MAP2K1: variants seen among roughly 807,000 people sequenced by gnomAD.
The protein encoded by MAP2K1 is dual specificity mitogen-activated protein kinase kinase 1.
MAP2K1 carries 16 observed loss-of-function variants against 46.3 expected under a neutral mutation model. The ratio of observed to expected loss-of-function variants is 0.35; its 90% CI spans 0.23 to 0.52. MAP2K1 has a LOEUF of 0.52. Ranked by LOEUF, MAP2K1 falls within the 20% of genes least tolerant of loss-of-function variation. The pLI, the probability that MAP2K1 is intolerant of heterozygous loss-of-function variation, is 0.94. For missense variants in MAP2K1, 263 were observed against 497.1 expected (o/e 0.53, Z 4.48); for synonymous variants, 183 against 185.6 (o/e 0.99, Z 0.11).
chr15:66,463,756 T>C (rs1892390422), intron 5 of MAP2K1, among the ~76,000 whole-genome samples: 1 of 152,240 alleles, frequency 6.6e-6, no homozygotes, highest in African/African-American at 2.4e-5. Context: ...AGTGCTGGGA[T>C]TACAGGCGTG....
Position 66,404,308 on chromosome 15 carries a change from CGCCACTGCACTCCA to C in MAP2K1, c.80+16885_80+16898del, listed in dbSNP as rs1277031702. Among the ~76,000 whole-genome samples the C allele has an allele frequency of 2.6e-5, 4 of 152,004 alleles. No homozygotes were observed. In the East Asian group the frequency reaches 7.7e-4, roughly 29 times the overall value. Reference sequence around the variant, plus strand: ...TGGTGGTTGCAGTGAGCGGAGATCGCGCCACTGCACTCCAGCCTGGGTAACAGAGTGAGTGAGAC... The same window carrying C: ...TGGTGGTTGCAGTGAGCGGAGATCGCGCCTGGGTAACAGAGTGAGTGAGAC... On this transcript the variant is annotated intron_variant, in intron 1 of 10. Transcript: ENST00000307102.
At chr15:66,462,905 AGG>A (rs1176276347) in intron 5 of MAP2K1, among the ~76,000 whole-genome samples, 2 of 152,234 alleles carry the variant, frequency 1.3e-5, no homozygotes, top group African/African-American at 4.8e-5. Context: ...GGGACAAGAC[AGG>A]GACCAGAAAG....
At chr15:66,448,417 C>A (rs958143896) in intron 5 of MAP2K1, among the ~76,000 whole-genome samples, 2 of 152,110 alleles carry the variant, frequency 1.3e-5, no homozygotes, top group Non-Finnish European at 2.9e-5. Context: ...TTGGGAAACA[C>A]TGCATTGGGG....
chr15:66,467,569 C>CT lies in MAP2K1; in HGVS notation c.569-14176dup, dbSNP rs955098948. Among the ~76,000 whole-genome samples, 342 of 149,702 alleles carry CT rather than the reference C, an allele frequency of 2.3e-3. 1 individual carries two copies. The highest frequency in any genetic ancestry group is 7.7e-3 in the African/African-American group (315 of 40,934). On this transcript the variant is annotated intron_variant, in intron 5 of 10. Coordinates refer to ENST00000307102, the MANE Select transcript of MAP2K1 (RefSeq NM_002755.4). ...TTTCAATATTTACAGAAGCAAAGAT[C>CT]TTTTTTTTTTAAACAAAGTCTGGCT...
At chr15:66,428,662 C>G (rs563033365) in intron 1 of MAP2K1, among the ~76,000 whole-genome samples, 1 of 151,900 alleles carries the variant, frequency 6.6e-6, no homozygotes, top group East Asian at 1.9e-4. Context: ...CAAGTTGACA[C>G]GTAAAATTAA....
intron 1 of MAP2K1, among the ~76,000 whole-genome samples, chr15:66,405,418 C>T (rs1162326177): frequency 1.3e-5 from 2 of 152,196 alleles, no homozygotes; most frequent in African/African-American, 2.4e-5. Context: ...TGGACCAGCA[C>T]GGATTAGAAT....
chr15:66,471,908 C>T (rs1892641041), intron 5 of MAP2K1, among the ~76,000 whole-genome samples: 1 of 152,028 alleles, frequency 6.6e-6, no homozygotes, highest in Non-Finnish European at 1.5e-5. Context: ...GAAACCCCGT[C>T]TCTACTAAAA....
chr15:66,394,950 A>C (rs1462915383), intron 1 of MAP2K1, among the ~76,000 whole-genome samples: 1 of 152,244 alleles, frequency 6.6e-6, no homozygotes, highest in Non-Finnish European at 1.5e-5. Context: ...AATAGCAAAG[A>C]AAGTCTTAAA....
At chr15:66,489,155 G>A (rs1893152995) in intron 8 of MAP2K1, 60 bp from the exon 9 acceptor site, 10 of 1,351,952 alleles carry the variant, frequency 7.4e-6, no homozygotes, top group Non-Finnish European at 9.6e-6. Context: ...GTGGGATGGG[G>A]AGAGGAGATG....
intron 1 of MAP2K1, among the ~76,000 whole-genome samples, chr15:66,412,106 A>G (rs963402571): frequency 3.9e-5 from 6 of 152,238 alleles, no homozygotes; most frequent in African/African-American, 1.4e-4. Context: ...AAAATCCAGT[A>G]ATGTGTATGT....
intron 5 of MAP2K1, among the ~76,000 whole-genome samples, chr15:66,449,012 A>AAC (rs1891956809): frequency 6.6e-6 from 1 of 150,538 alleles, no homozygotes; most frequent in African/African-American, 2.4e-5. Flanking sequence ...TCAAAAAAAA[A>AAC]AAAAAAAAAA....
intron 1 of MAP2K1, among the ~76,000 whole-genome samples, chr15:66,398,816 C>T (rs1171335631): frequency 1.3e-5 from 2 of 149,872 alleles, no homozygotes; most frequent in Admixed American, 6.7e-5. Context: ...TCTTGTCGTC[C>T]AGGCTAGAGT....
At chr15:66,415,965 A>G (rs1176621980) in intron 1 of MAP2K1, among the ~76,000 whole-genome samples, 3 of 152,204 alleles carry the variant, frequency 2.0e-5, no homozygotes, top group Non-Finnish European at 4.4e-5. Context: ...GTAATATTAC[A>G]GAAGTCAAAT....
intron 1 of MAP2K1, among the ~76,000 whole-genome samples, chr15:66,423,604 A>ATTT (rs142169839): frequency 0.07 from 7,934 of 113,044 alleles, 968 homozygotes; most frequent in African/African-American, 0.23. Flanking sequence ...TGCCAGGCTA[A>ATTT]TTTTTTTTTT....
intron 5 of MAP2K1, among the ~76,000 whole-genome samples, chr15:66,457,983 T>G (rs1892216075): frequency 6.6e-6 from 1 of 151,842 alleles, no homozygotes; most frequent in Non-Finnish European, 1.5e-5. Context: ...AAAAAAGAAT[T>G]TAAACACAAA....
At chr15:66,420,971 AC>A (rs2093440631) in intron 1 of MAP2K1, among the ~76,000 whole-genome samples, 1 of 9,122 alleles carries the variant, frequency 1.1e-4, no homozygotes, top group Non-Finnish European at 4.6e-4. Context: ...ATATACACAC[AC>A]ATACATACAC....
chr15:66,394,229 G>T (rs150443079), intron 1 of MAP2K1, among the ~76,000 whole-genome samples: 2 of 152,128 alleles, frequency 1.3e-5, no homozygotes, highest in African/African-American at 4.8e-5. Flanking sequence ...CCTTAGTAGC[G>T]TTCATGATTT....
At chr15:66,473,625 A>G (rs1033170707) in intron 5 of MAP2K1, among the ~76,000 whole-genome samples, 2 of 151,966 alleles carry the variant, frequency 1.3e-5, no homozygotes, top group African/African-American at 4.8e-5. Context: ...TGTACCCCCT[A>G]TACCTTTTGC....
chr15:66,442,000 C>T (rs1057125288), intron 3 of MAP2K1, among the ~76,000 whole-genome samples: 10 of 152,122 alleles, frequency 6.6e-5, no homozygotes, highest in Admixed American at 2.0e-4. Flanking sequence ...TCTTCAAGAT[C>T]GCAGGTTAAA....
Sources: gnomAD v4.1 joint callset for allele counts (sites outside exome capture counted in the v4.1 genomes callset) on GRCh38, gnomAD v4.1.1 for gene constraint, MANE v1.5 for transcripts, NCBI Gene and HGNC (gene_info 2026-07-23, HGNC 2026-07-21) for gene names.